PSG5: variants seen among roughly 807,000 people sequenced by gnomAD.
PSG5 encodes the protein pregnancy specific beta-1-glycoprotein 5.
PSG5 carries 53 observed loss-of-function variants against 37.7 expected under a neutral mutation model. That is an observed-to-expected ratio of 1.41 (90% CI 1.13 to 1.77). The LOEUF (loss-of-function observed/expected upper bound fraction) is 1.77. Ranked by LOEUF, PSG5 falls within the 40% of genes most tolerant of loss-of-function variation. PSG5 has a pLI of 0.00. For synonymous variants in PSG5, 221 were observed against 155.4 expected, an observed-to-expected ratio of 1.42 and a Z score of -3.14; for missense variants, 547 against 405.2, an observed-to-expected ratio of 1.35 and a Z score of -3.00.
At chr19:43,171,858 G>A (rs568895633) in intron 4 of PSG5, among the ~76,000 whole-genome samples, 2 of 151,048 alleles carry the variant, frequency 1.3e-5, no homozygotes, top group East Asian at 1.9e-4. Flanking sequence ...TGTAGTCATA[G>A]CATCTTGGGA....
In PSG5 at chr19:43,169,074, A is replaced by T. The variant is rs59108253; in HGVS notation, c.*41-871T>A. 5.7e-3 allele frequency among the ~76,000 whole-genome samples: 868 copies of T among 151,690 alleles called. 22 individuals are homozygous for T. Among genetic ancestry groups the T allele is most frequent in the African/African-American group, 0.02 (831 of 41,246 alleles). ...ACTAATGGGTGGGGCTTGAGCATCCACTTTTAAAAATGCTTTCCAGTGATT... is the reference window on the plus strand; with the variant it reads ...ACTAATGGGTGGGGCTTGAGCATCCTCTTTTAAAAATGCTTTCCAGTGATT... On this transcript the variant is annotated intron_variant, in intron 5 of 5. Transcript: ENST00000342951.
chr19:43,184,326 C>A (rs548123698), intron 2 of PSG5, among the ~76,000 whole-genome samples: 1 of 151,744 alleles, frequency 6.6e-6, no homozygotes, highest in African/African-American at 2.4e-5. Flanking sequence ...GCCCAATAAG[C>A]CACAACCCAG....
At chr19:43,178,770 A>T (rs1206116293) in intron 2 of PSG5, 10 of 1,606,148 alleles carry the variant, frequency 6.2e-6, no homozygotes, top group Non-Finnish European at 7.7e-6. Flanking sequence ...TTTGATGTCC[A>T]GGGGTAAAGG....
rs761414147 is a variant in PSG5, at chr19:43,175,869, C to A, written c.709+1G>T. 1.2e-6 allele frequency: 2 copies of A among 1,612,394 alleles called. No individual in the cohort carries two copies. The highest frequency in any genetic ancestry group is 8.5e-7 in the Non-Finnish European group (1 of 1,179,070). On this transcript the variant is annotated splice_donor_variant, in intron 3 of 5. Coordinates refer to ENST00000342951, the MANE Select transcript of PSG5 (RefSeq NM_002781.4). LOFTEE classifies it high-confidence loss of function. ...CCCACAGAGGAACAAAAGATACTCA[C>A]AGAGGACATTCAGGGTGACTGGGTC...
rs1283399030 is a variant in PSG5, at chr19:43,186,509, G to C, written c.-104C>G. On this transcript the variant is annotated 5_prime_UTR_variant, in exon 1 of 6. Transcript: ENST00000342951. ...GCTGTCCTTCCTCCTTCTGTGCTGAGCCTCTCTCCAGGGCAGGAGCACTTC... is the reference window on the plus strand; with the variant it reads ...GCTGTCCTTCCTCCTTCTGTGCTGACCCTCTCTCCAGGGCAGGAGCACTTC... The C allele has an allele frequency of 5.2e-6, 8 of 1,551,728 alleles. No individual in the cohort carries two copies. In the East Asian group the frequency reaches 1.8e-4, roughly 35 times the overall value.
rs375501172 is a variant in PSG5, at chr19:43,179,012, C to G, written c.431-2864G>C. 1.7e-4 allele frequency: 278 copies of G among 1,612,730 alleles called. 8 individuals are homozygous for G. In the South Asian group the frequency reaches 2.4e-3, roughly 14 times the overall value. On this transcript the variant is annotated intron_variant, in intron 2 of 5. Transcript: ENST00000342951. ...TCCTGTTGGTTTTGGACAGCTGCAA[C>G]CTGTGAGTCATAGGGAGGCTCTGAC... is the stretch of plus-strand genomic sequence containing the variant.
chr19:43,186,186 A>C (rs1033936377), intron 1 of PSG5, among the ~76,000 whole-genome samples, 156 bp downstream of exon 1: 3 of 151,190 alleles, frequency 2.0e-5, no homozygotes, highest in African/African-American at 4.9e-5. Context: ...CTGTGTTGGC[A>C]GGACTGACCT....
chr19:43,173,567 G>A (rs1224827935), intron 4 of PSG5, among the ~76,000 whole-genome samples: 2 of 151,590 alleles, frequency 1.3e-5, no homozygotes, highest in Non-Finnish European at 2.9e-5. Flanking sequence ...TTTCTCCAAG[G>A]AAGATATACA....
At position 43,185,438 on chromosome 19, in the gene PSG5, C is replaced by G. The variant is rs200578051; in HGVS notation, c.65-291G>C. Among the ~76,000 whole-genome samples, 72 of 150,130 alleles carry G rather than the reference C, an allele frequency of 4.8e-4. 1 individual carries two copies. In the East Asian group the frequency reaches 9.1e-3, roughly 19 times the overall value. On this transcript the variant is annotated intron_variant, in intron 1 of 5. Coordinates refer to ENST00000342951, the MANE Select transcript of PSG5 (RefSeq NM_002781.4). ...CAGGGGTCCACACGGCACCCCCCCC[C>G]CCCCACACTGCCCTCAGGTCCTGCT...
intron 2 of PSG5, among the ~76,000 whole-genome samples, chr19:43,177,784 C>T (rs2122222082): frequency 6.6e-6 from 1 of 151,652 alleles, no homozygotes; most frequent in African/African-American, 2.4e-5. Context: ...GTAGGAGTTG[C>T]ACTGTATCTG....
intron 2 of PSG5, among the ~76,000 whole-genome samples, chr19:43,177,016 G>A (rs1672612817): frequency 6.6e-6 from 1 of 151,712 alleles, no homozygotes; most frequent in African/African-American, 2.4e-5. Context: ...TGGAAATCTG[G>A]TCCTCATGGA....
rs554943244 is a variant in PSG5 at position 43,173,203 on chromosome 19, T to C, written c.964+2012A>G. 3.3e-5 allele frequency among the ~76,000 whole-genome samples: 5 copies of C among 151,688 alleles called. No homozygotes were observed. In the South Asian group the frequency reaches 8.3e-4, roughly 25 times the overall value. ...AGAGTGGAACCTTTACCTAACACCATGCATAAAAATTAACCCACAATAGAT... is the reference window on the plus strand; with the variant it reads ...AGAGTGGAACCTTTACCTAACACCACGCATAAAAATTAACCCACAATAGAT... On this transcript the variant is annotated intron_variant, in intron 4 of 5. Transcript: ENST00000342951.
intron 4 of PSG5, chr19:43,171,019 AG>A (rs1968894783): frequency 6.6e-6 from 1 of 151,420 alleles, no homozygotes; most frequent in African/African-American, 2.4e-5. Context: ...GGTACTGTTG[AG>A]GGGCATTTCC....
rs564234536 is a variant in PSG5, at chr19:43,178,602, G to A, written c.431-2454C>T. On this transcript the variant is annotated intron_variant, in intron 2 of 5. Coordinates refer to ENST00000342951, the MANE Select transcript of PSG5 (RefSeq NM_002781.4). ...ACACTGAAGTCCCAGCCAAATCCCC[G>A]CTGTGTTCACTGATCTGGAGCCTGA... 5.3e-5 allele frequency among the ~76,000 whole-genome samples: 8 copies of A among 151,662 alleles called. No individual in the cohort carries two copies. The South Asian group carries it at 8.3e-4, about 16-fold the overall frequency.
At position 43,169,366 on chromosome 19, in the gene PSG5, G is replaced by C. The variant is rs546462154; in HGVS notation, c.*40+689C>G. Among the ~76,000 whole-genome samples, 61 of 151,718 alleles carry C rather than the reference G, an allele frequency of 4.0e-4. 1 individual carries two copies. Among genetic ancestry groups the C allele is most frequent in the Non-Finnish European group, 7.2e-4 (49 of 67,908 alleles). ...AAAGTCTCCGTTCTCCATGAGGTCA[G>C]ATGTTGCCTGTGATGAAGGGTGTCG... is the stretch of plus-strand genomic sequence containing the variant. On this transcript the variant is annotated intron_variant, in intron 5 of 5. Coordinates refer to ENST00000342951, the MANE Select transcript of PSG5 (RefSeq NM_002781.4).
intron 5 of PSG5, among the ~76,000 whole-genome samples, chr19:43,169,103 A>C (rs1008671395): frequency 2.6e-5 from 4 of 151,466 alleles, no homozygotes; most frequent in Non-Finnish European, 4.4e-5. Flanking sequence ...AGTGATTCCA[A>C]TGTGTAGCTC....
chr19:43,175,537 A>G lies in PSG5; in HGVS notation c.710-68T>C, dbSNP rs1368226962. The G allele has an allele frequency of 7.1e-6, 11 of 1,541,698 alleles. 1 individual carries two copies. The African/African-American group carries it at 1.5e-4, about 21-fold the overall frequency. On this transcript the variant is annotated intron_variant, in intron 3 of 5. Transcript: ENST00000342951. ...GAAGGGGATGCTCCTGGTCTCTTAA[A>G]GGGACACAGTGACCCTCTGAGCCAA...
intron 4 of PSG5, chr19:43,170,541 G>A: frequency 2.3e-6 from 1 of 425,602 alleles, no homozygotes; most frequent in Non-Finnish European, 4.6e-6. Context: ...TTGACAGAAG[G>A]CCCACGTCCG....
chr19:43,170,097 A>T lies in PSG5; in HGVS notation c.1006T>A (p.Ter336LysextTer3). 1 of 1,581,736 alleles carries T rather than the reference A, an allele frequency of 6.3e-7. No individual in the cohort carries two copies. The highest frequency in any genetic ancestry group is 8.7e-7 in the Non-Finnish European group (1 of 1,155,900). Residue 336 changes from the stop codon to lysine, a stop_lost, in exon 5 of 6, where the codon TAG becomes AAG. Transcript: ENST00000342951. The stretch of plus-strand genomic sequence containing the variant: ...ATACAGAAATGACTTCACGGCTGCT[A>T]TATTGGATTAAGGAGAGGAAGACGT... ...IGRLPLLNPI[*>K]
Sources: allele counts gnomAD v4.1 joint callset (sites outside exome capture counted in the v4.1 genomes callset), GRCh38; gene constraint gnomAD v4.1.1; transcripts MANE v1.5; gene names NCBI Gene and HGNC (gene_info 2026-07-23, HGNC 2026-07-21).